LSAMP: variants seen among roughly 807,000 people sequenced by gnomAD.
The protein encoded by LSAMP is limbic system associated membrane protein, also known as limbic system-associated membrane protein.
Under a neutral mutation model 38.6 loss-of-function variants are expected in LSAMP, and 7 were observed. The ratio of observed to expected loss-of-function variants is 0.18; its 90% CI spans 0.10 to 0.34. The LOEUF (loss-of-function observed/expected upper bound fraction) is 0.34, where lower values mean the gene tolerates loss of function less well. Ranked by LOEUF, LSAMP falls within the 10% of genes least tolerant of loss-of-function variation. The probability of loss-of-function intolerance (pLI) is 1.00; values close to 1 mark genes in which losing one functional copy is unlikely to be tolerated. For missense variants in LSAMP, 313 were observed against 420.0 expected (o/e 0.75, Z 2.23); for synonymous variants, 154 against 166.8 (o/e 0.92, Z 0.59).
rs1455109840 is a variant in LSAMP, at chr3:115,809,545, C to T, written c.*772G>A. The stretch of plus-strand genomic sequence containing the variant: ...TGCTTTAGAGAGAGACACACACACG[C>T]TCACACACATGTACACCCACGTGAG... On this transcript the variant is annotated 3_prime_UTR_variant, in exon 7 of 7. Coordinates refer to ENST00000490035, the MANE Select transcript of LSAMP (RefSeq NM_002338.5). 1.3e-5 allele frequency: 2 copies of T among 152,510 alleles called. No homozygotes were observed. The highest frequency in any genetic ancestry group is 2.4e-5 in the African/African-American group (1 of 41,446). The allele number at this position is 152,510 out of a possible 1,614,324, so 9.4% of individuals were successfully genotyped here.
At chr3:116,050,341 A>C (rs1012321201) in intron 2 of LSAMP, among the ~76,000 whole-genome samples, 10 of 152,096 alleles carry the variant, frequency 6.6e-5, no homozygotes, top group Non-Finnish European at 8.8e-5. Context: ...AGAGCACTGC[A>C]CTATCCCCCT....
chr3:115,815,180 T>G (rs1933977186), intron 6 of LSAMP, among the ~76,000 whole-genome samples: 1 of 152,152 alleles, frequency 6.6e-6, no homozygotes. Context: ...TTCACATAAC[T>G]TTTATTACAG....
intron 1 of LSAMP, among the ~76,000 whole-genome samples, chr3:116,116,571 G>A (rs1224870049): frequency 6.7e-6 from 1 of 150,306 alleles, no homozygotes; most frequent in Non-Finnish European, 1.5e-5. Flanking sequence ...CAAAAAACTA[G>A]CTGGGCGTGG....
At chr3:116,242,841 G>A (rs376032943) in intron 1 of LSAMP, among the ~76,000 whole-genome samples, 1 of 121,520 alleles carries the variant, frequency 8.2e-6, no homozygotes, top group Non-Finnish European at 1.9e-5. Context: ...ATAGATAGAA[G>A]TGTCCAAATT....
intron 3 of LSAMP, among the ~76,000 whole-genome samples, chr3:115,948,586 T>C (rs906507941): frequency 3.1e-4 from 47 of 152,096 alleles, no homozygotes; most frequent in African/African-American, 1.1e-3. Flanking sequence ...AACTGAACAA[T>C]AATAGTGACA....
chr3:115,832,679 C>T lies in LSAMP; in HGVS notation c.919+9166G>A, dbSNP rs1332190322. On this transcript the variant is annotated intron_variant, in intron 6 of 6. Transcript: ENST00000490035. ...ACTATCTTTGTATAGCAAACTCTCA[C>T]GCCAGCCATCCGTCTTAATGAACAG... 5.3e-5 allele frequency among the ~76,000 whole-genome samples: 8 copies of T among 152,300 alleles called. No homozygotes were observed. The South Asian group carries it at 8.3e-4, about 16-fold the overall frequency.
chr3:115,917,404 C>A (rs1576216610), intron 3 of LSAMP, among the ~76,000 whole-genome samples: 2 of 152,144 alleles, frequency 1.3e-5, no homozygotes, highest in South Asian at 4.1e-4. Flanking sequence ...GTAACAGGAC[C>A]CATCTCTCAG....
intron 1 of LSAMP, among the ~76,000 whole-genome samples, chr3:116,329,347 A>AT (rs1168241879): frequency 1.3e-5 from 2 of 152,246 alleles, no homozygotes; most frequent in Non-Finnish European, 2.9e-5. Flanking sequence ...TTCAAGTATA[A>AT]TTTTTTTCTG....
chr3:115,971,668 A>C (rs551052270), intron 3 of LSAMP, among the ~76,000 whole-genome samples: 2 of 152,290 alleles, frequency 1.3e-5, no homozygotes, highest in Non-Finnish European at 2.9e-5. Context: ...TCCATACTTA[A>C]ATAACTTAGC....
At chr3:116,293,595 T>A (rs2047294944) in intron 1 of LSAMP, among the ~76,000 whole-genome samples, 1 of 152,044 alleles carries the variant, frequency 6.6e-6, no homozygotes, top group South Asian at 2.1e-4. Flanking sequence ...TATTATCATA[T>A]TGAGTTAGGA....
intron 1 of LSAMP, among the ~76,000 whole-genome samples, chr3:116,150,196 C>T (rs1709579933): frequency 6.6e-6 from 1 of 152,016 alleles, no homozygotes; most frequent in Admixed American, 6.6e-5. Flanking sequence ...TGAGTTTAAT[C>T]ATCACTTTCA....
chr3:116,071,618 G>A (rs1488974168), intron 2 of LSAMP, among the ~76,000 whole-genome samples: 1 of 151,862 alleles, frequency 6.6e-6, no homozygotes, highest in Non-Finnish European at 1.5e-5. Context: ...TAAGTTCTAG[G>A]GTACACTGGC....
chr3:116,260,043 G>T, intron 1 of LSAMP, among the ~76,000 whole-genome samples: 1 of 151,922 alleles, frequency 6.6e-6, no homozygotes, highest in South Asian at 2.1e-4. Flanking sequence ...ATGTTCCTTG[G>T]AGAAGTTACA....
intron 1 of LSAMP, among the ~76,000 whole-genome samples, chr3:116,419,733 A>G (rs182763736): frequency 6.6e-6 from 1 of 152,330 alleles, no homozygotes; most frequent in Non-Finnish European, 1.5e-5. Flanking sequence ...AAATGAACCA[A>G]CTTGGGCCAG....
chr3:116,028,210 T>C (rs1940838122), intron 2 of LSAMP, among the ~76,000 whole-genome samples: 1 of 152,138 alleles, frequency 6.6e-6, no homozygotes, highest in South Asian at 2.1e-4. Context: ...AAATACACAA[T>C]GCAACACATA....
rs185319567 is a variant in LSAMP, at chr3:116,092,025, C to G, written c.156-5469G>C. On this transcript the variant is annotated intron_variant, in intron 1 of 6. Transcript: ENST00000490035. ...ATTTGCACTCATCTTTTCTCATAAG[C>G]TTATTAAGACAGTGACCTTCTTGTA... Among the ~76,000 whole-genome samples, 433 of 152,266 alleles carry G rather than the reference C, an allele frequency of 2.8e-3. 2 individuals are homozygous for G. The highest frequency in any genetic ancestry group is 9.3e-3 in the African/African-American group (388 of 41,550).
intron 1 of LSAMP, among the ~76,000 whole-genome samples, chr3:116,266,276 C>T (rs2046890871): frequency 6.6e-6 from 1 of 152,108 alleles, no homozygotes; most frequent in Non-Finnish European, 1.5e-5. Flanking sequence ...AGAGATCTAG[C>T]ATGCTTTAGT....
At chr3:116,167,106 T>G (rs1478264749) in intron 1 of LSAMP, among the ~76,000 whole-genome samples, 1 of 152,096 alleles carries the variant, frequency 6.6e-6, no homozygotes, top group Admixed American at 6.6e-5. Flanking sequence ...ATTTTTAATT[T>G]TTTTAAATTT....
chr3:115,856,713 A>G (rs544358014), intron 3 of LSAMP, among the ~76,000 whole-genome samples: 1 of 152,230 alleles, frequency 6.6e-6, no homozygotes, highest in East Asian at 1.9e-4. Context: ...CTGTCTCTGA[A>G]TCAGGAAGTG....
Sources: allele counts gnomAD v4.1 joint callset (sites outside exome capture counted in the v4.1 genomes callset), GRCh38; gene constraint gnomAD v4.1.1; transcripts MANE v1.5; gene names NCBI Gene and HGNC (gene_info 2026-07-23, HGNC 2026-07-21).